ZHX3: variants seen among roughly 807,000 people sequenced by gnomAD.
ZHX3 encodes zinc fingers and homeoboxes protein 3.
Under a neutral mutation model 64.5 loss-of-function variants are expected in ZHX3, and 20 were observed. The observed-to-expected ratio is 0.31, with a 90% CI of 0.22 to 0.45. The LOEUF is 0.45. ZHX3 is among the 20% of genes least tolerant of loss of function. The pLI, the probability that ZHX3 is intolerant of heterozygous loss-of-function variation, is 1.00. For synonymous variants in ZHX3, 423 were observed against 461.6 expected (o/e 0.92, Z 1.07); for missense variants, 1,041 against 1,195.8 (o/e 0.87, Z 1.91).
intron 2 of ZHX3, among the ~76,000 whole-genome samples, chr20:41,258,630 C>G (rs1429390734): frequency 6.6e-6 from 1 of 152,076 alleles, no homozygotes; most frequent in Non-Finnish European, 1.5e-5. Flanking sequence ...GCATTCTTGG[C>G]AAAAATACCA....
rs1483156245 is a variant in ZHX3 at position 41,202,812 on chromosome 20, A to T, written c.2105T>A (p.Val702Asp). Residue 702 changes from valine (V) to aspartate (D), a missense_variant, in exon 3 of 4, where the codon GTC becomes GAC. Physicochemically the swap from Val to Asp is radical, Grantham distance 152. This residue lies in a region of ZHX3 where 649 missense variants were observed against 739.8 expected (regional missense o/e 0.88). Transcript: ENST00000683867. The surrounding 1 kb of genome is among the most constrained non-coding windows in gnomAD (Gnocchi z 7.0). ...TTCCAGAGAGCCATTTTCACCAGAGACCCTTAGCTCACTGGCCAAATCCTC... is the reference window on the plus strand; with the variant it reads ...TTCCAGAGAGCCATTTTCACCAGAGTCCCTTAGCTCACTGGCCAAATCCTC... Reference protein sequence around the residue: ...GEEDLASELRVSGENGSLEMP... With the variant: ...GEEDLASELRDSGENGSLEMP... 6.2e-7 allele frequency: 1 copy of T among 1,613,806 alleles called. No individual in the cohort carries two copies. The highest frequency in any genetic ancestry group is 1.3e-5 in the African/African-American group (1 of 74,814).
Position 41,181,815 on chromosome 20 carries a change from G to A in ZHX3, c.*3376C>T, listed in dbSNP as rs2036261356. On this transcript the variant is annotated 3_prime_UTR_variant, in exon 4 of 4. Transcript: ENST00000683867. ...CACTAGTACATGTGTGAGCCCGCAA[G>A]GCACTACCCAATGTTCTGTCCAACT... The A allele has an allele frequency of 6.6e-6, 1 of 152,242 alleles. No individual in the cohort carries two copies. The highest frequency in any genetic ancestry group is 1.5e-5 in the Non-Finnish European group (1 of 68,052). The allele number at this position is 152,242 out of a possible 1,614,324, so 9.4% of individuals were successfully genotyped here.
chr20:41,281,933 C>A (rs1281993600), intron 1 of ZHX3, among the ~76,000 whole-genome samples: 1 of 152,114 alleles, frequency 6.6e-6, no homozygotes, highest in African/African-American at 2.4e-5. Flanking sequence ...TTGCAGAAGT[C>A]CTGGGCTATG....
At chr20:41,208,597 A>T (rs2038914346) in intron 2 of ZHX3, among the ~76,000 whole-genome samples, 3 of 152,214 alleles carry the variant, frequency 2.0e-5, no homozygotes, top group Non-Finnish European at 4.4e-5. Context: ...AAACCACATG[A>T]TTATCTCAAT....
chr20:41,275,944 A>C (rs112033710), intron 1 of ZHX3, among the ~76,000 whole-genome samples: 26 of 152,330 alleles, frequency 1.7e-4, no homozygotes, highest in Admixed American at 7.8e-4. Flanking sequence ...CTAAACAAAC[A>C]AAGATTCAGA....
At chr20:41,286,307 A>G (rs1381317334) in intron 1 of ZHX3, among the ~76,000 whole-genome samples, 2 of 152,182 alleles carry the variant, frequency 1.3e-5, no homozygotes. Context: ...CAGTCTTTGA[A>G]AAAAGCCATT....
Position 41,183,840 on chromosome 20 carries a change from A to AG in ZHX3, c.*1350dup, listed in dbSNP as rs2036331312. 6.6e-6 allele frequency: 1 copy of AG among 152,264 alleles called. No homozygotes were observed. The highest frequency in any genetic ancestry group is 1.5e-5 in the Non-Finnish European group (1 of 68,050). 9.4% of individuals were successfully genotyped at this position (152,264 alleles called of 1,614,324 possible). ...ATTTACCATTTAGAACAGCTCTGTA[A>AG]GCAAGTTTTCTAATTTTCAAAGGCA... On this transcript the variant is annotated 3_prime_UTR_variant, in exon 4 of 4. Transcript: ENST00000683867. The surrounding 1 kb of genome is among the most constrained non-coding windows in gnomAD (Gnocchi z 5.3).
In ZHX3 at chr20:41,180,491, T is replaced by A. The variant is rs2146083225; in HGVS notation, c.*4700A>T. On this transcript the variant is annotated 3_prime_UTR_variant, in exon 4 of 4. Transcript: ENST00000683867. ...GCTGGATCTAGAGCTAAATAGAAAC[T>A]TCTTTGCCATAGAAACTTCTCTGTT... 6.6e-6 allele frequency: 1 copy of A among 151,914 alleles called. No individual in the cohort carries two copies. The highest frequency in any genetic ancestry group is 2.1e-4 in the South Asian group (1 of 4,800). 9.4% of individuals were successfully genotyped at this position (151,914 alleles called of 1,614,324 possible).
chr20:41,302,739 A>G (rs2044860337), intron 1 of ZHX3, among the ~76,000 whole-genome samples: 1 of 152,186 alleles, frequency 6.6e-6, no homozygotes, highest in South Asian at 2.1e-4. Context: ...GGCCACTGAC[A>G]CCCAGGGCAA....
chr20:41,300,538 T>C (rs892154281), intron 1 of ZHX3, among the ~76,000 whole-genome samples: 2 of 152,182 alleles, frequency 1.3e-5, no homozygotes, highest in African/African-American at 4.8e-5. Context: ...CAAGCACTAC[T>C]AGACTGGGGA....
At chr20:41,281,462 T>C (rs1343457063) in intron 1 of ZHX3, among the ~76,000 whole-genome samples, 1 of 152,072 alleles carries the variant, frequency 6.6e-6, no homozygotes, top group African/African-American at 2.4e-5. Context: ...ATCGATAAAA[T>C]ACACATTAGG....
chr20:41,302,339 A>G (rs1235847496), intron 1 of ZHX3, among the ~76,000 whole-genome samples: 1 of 152,162 alleles, frequency 6.6e-6, no homozygotes, highest in Non-Finnish European at 1.5e-5. Context: ...GCCTTTAAGA[A>G]GCTCACCACA....
Position 41,232,703 on chromosome 20 carries a change from C to T in ZHX3, c.-150-27637G>A, listed in dbSNP as rs564440903. Among the ~76,000 whole-genome samples, 104 of 152,126 alleles carry T rather than the reference C, an allele frequency of 6.8e-4. 1 individual carries two copies. Among genetic ancestry groups the T allele is most frequent in the Non-Finnish European group, 1.3e-3 (86 of 68,020 alleles). ...CTCCCGGGTTCACGCCATTCTCCTG[C>T]CTCAGCCTCCCGCGGGGGACTACAG... On this transcript the variant is annotated intron_variant, in intron 2 of 3. Coordinates refer to ENST00000683867, the MANE Select transcript of ZHX3 (RefSeq NM_001384317.1). This position sits in a 1 kb window ranked among gnomAD's most constrained non-coding sequence, Gnocchi z 5.0.
chr20:41,206,661 A>T (rs965389631), intron 2 of ZHX3, among the ~76,000 whole-genome samples: 1 of 152,208 alleles, frequency 6.6e-6, no homozygotes, highest in Non-Finnish European at 1.5e-5. Context: ...AAAAGAACAA[A>T]TCTACGTCTG....
In ZHX3 at chr20:41,203,261, C is replaced by T. The variant is rs780877752; in HGVS notation, c.1656G>A (p.Leu552=). The change falls in exon 3 of 4, where the codon TTG becomes TTA. Residue 552 remains leucine, a synonymous_variant. Coordinates refer to ENST00000683867, the MANE Select transcript of ZHX3 (RefSeq NM_001384317.1). This position sits in a 1 kb window ranked among gnomAD's most constrained non-coding sequence, Gnocchi z 7.1. The part of the protein sequence containing the change: ...FSDRRYHCRN[L]KGSRAMIPGD... ...CAGGTATCATCGCTCTGGAGCCCTT[C>T]AAGTTCCGGCAGTGGTATCTACGAT... The T allele has an allele frequency of 1.1e-5, 18 of 1,614,056 alleles. No homozygotes were observed. Among genetic ancestry groups the T allele is most frequent in the Admixed American group, 1.0e-4 (6 of 60,012 alleles).
chr20:41,235,349 G>T (rs2040903150), intron 2 of ZHX3, among the ~76,000 whole-genome samples: 2 of 152,140 alleles, frequency 1.3e-5, no homozygotes, highest in Admixed American at 1.3e-4. Context: ...TATCCCTGAT[G>T]AACATCGATG....
intron 2 of ZHX3, among the ~76,000 whole-genome samples, chr20:41,242,318 C>G (rs1273530046): frequency 6.6e-6 from 1 of 152,198 alleles, no homozygotes. Context: ...CAACAGGCAA[C>G]AGCAAGGATT....
intron 3 of ZHX3, among the ~76,000 whole-genome samples, chr20:41,191,548 T>C (rs1031905223): frequency 6.6e-6 from 1 of 152,262 alleles, no homozygotes; most frequent in Non-Finnish European, 1.5e-5. Flanking sequence ...TTGTGTTCCT[T>C]CTGAGGTGTC....
At chr20:41,235,496 T>C (rs1284932190) in intron 2 of ZHX3, among the ~76,000 whole-genome samples, 1 of 152,170 alleles carries the variant, frequency 6.6e-6, no homozygotes, top group Non-Finnish European at 1.5e-5. Flanking sequence ...TAATCCATCA[T>C]ATAAACAGAA....
Sources: allele counts gnomAD v4.1 joint callset (sites outside exome capture counted in the v4.1 genomes callset), GRCh38; gene constraint gnomAD v4.1.1; regional missense constraint gnomAD v4.1.1; non-coding constraint Gnocchi (gnomAD v3.1); transcripts MANE v1.5; gene names NCBI Gene and HGNC (gene_info 2026-07-23, HGNC 2026-07-21).